Variants in MANSC1 observed in about 807,000 individuals in gnomAD.
The protein encoded by MANSC1 is MANSC domain containing 1.
A neutral mutation model predicts 14.1 loss-of-function variants in MANSC1; 13 were observed. The observed-to-expected ratio is 0.92, with a 90% CI of 0.60 to 1.46. The LOEUF (loss-of-function observed/expected upper bound fraction) is 1.46. Among genes scored for constraint, MANSC1 ranks in the 40% most tolerant of loss-of-function variants. The pLI, the probability that MANSC1 is intolerant of heterozygous loss-of-function variation, is 0.00. For synonymous variants in MANSC1, 227 were observed against 200.7 expected (o/e 1.13, Z -1.11); for missense variants, 486 against 511.4 (o/e 0.95, Z 0.48).
chr12:12,340,045 C>T (rs911571999), intron 2 of MANSC1, among the ~76,000 whole-genome samples: 1 of 152,124 alleles, frequency 6.6e-6, no homozygotes, highest in Non-Finnish European at 1.5e-5. Context: ...CTCTTGGGCT[C>T]AAGCAATCCA....
At chr12:12,333,279 T>C (rs891005122) in intron 3 of MANSC1, among the ~76,000 whole-genome samples, 1 of 152,096 alleles carries the variant, frequency 6.6e-6, no homozygotes, top group Admixed American at 6.6e-5. Context: ...ACTCCTGGAA[T>C]CAAGCAATCC....
At chr12:12,330,981 AG>A in intron 3 of MANSC1, 23 bp from the exon 4 acceptor site, 1 of 1,446,662 alleles carries the variant, frequency 6.9e-7, no homozygotes, top group Non-Finnish European at 9.5e-7. Context: ...GGAAAATAAA[AG>A]GAAGGCTTAT....
Position 12,335,576 on chromosome 12 carries a change from T to C in MANSC1, c.364+2844A>G, listed in dbSNP as rs1337679248. Among the ~76,000 whole-genome samples the C allele has an allele frequency of 2.7e-5, 4 of 150,448 alleles. No homozygotes were observed. The East Asian group carries it at 6.2e-4, about 23-fold the overall frequency. On this transcript the variant is annotated intron_variant, in intron 3 of 3. Coordinates refer to ENST00000535902, the MANE Select transcript of MANSC1 (RefSeq NM_018050.4). ...GGCTGGTCTCGAATTCCTGACGTTG[T>C]GATCTGCCCGCCTCAGCCTCCCAAA...
chr12:12,333,878 T>G (rs1027950230), intron 3 of MANSC1, among the ~76,000 whole-genome samples: 2 of 152,184 alleles, frequency 1.3e-5, no homozygotes, highest in African/African-American at 4.8e-5. Context: ...AATACCAAAC[T>G]GCAATGGCTT....
In MANSC1 at chr12:12,333,044, A is replaced by AATATATATATATAT. The variant is rs147386841; in HGVS notation, c.365-2100_365-2087dup. 3.7e-3 allele frequency among the ~76,000 whole-genome samples: 555 copies of AATATATATATATAT among 148,428 alleles called. 4 individuals are homozygous for AATATATATATATAT. Among genetic ancestry groups the AATATATATATATAT allele is most frequent in the East Asian group, 6.1e-3 (31 of 5,048 alleles). On this transcript the variant is annotated intron_variant, in intron 3 of 3. Transcript: ENST00000535902. ...TTGGGTCAAATGAAATATATTTGAA[A>AATATATATATATAT]ATATATATATATATATTTTTGAGAC... is the stretch of plus-strand genomic sequence containing the variant.
intron 1 of MANSC1, among the ~76,000 whole-genome samples, chr12:12,345,909 A>G (rs1238720398): frequency 1.3e-5 from 2 of 152,252 alleles, no homozygotes; most frequent in Non-Finnish European, 2.9e-5. Context: ...GGTGAAAGAA[A>G]TCAAAGAGGA....
intron 3 of MANSC1, among the ~76,000 whole-genome samples, chr12:12,333,539 C>A (rs973750329): frequency 5.9e-5 from 9 of 152,134 alleles, no homozygotes; most frequent in Non-Finnish European, 1.2e-4. Flanking sequence ...CCTCTGTTGG[C>A]AGAGGTCCTA....
intron 2 of MANSC1, among the ~76,000 whole-genome samples, chr12:12,341,193 C>G (rs1331126306): frequency 1.3e-5 from 2 of 152,122 alleles, no homozygotes; most frequent in African/African-American, 4.8e-5. Flanking sequence ...ATGATCCTAC[C>G]CCCTCAGATT....
At chr12:12,338,877 C>CCA in intron 2 of MANSC1, 1 of 264,222 alleles carries the variant, frequency 3.8e-6, no homozygotes, top group Non-Finnish European at 6.9e-6. Context: ...GCATCCACAA[C>CCA]CACACACACA....
At chr12:12,334,112 G>C (rs750004374) in intron 3 of MANSC1, among the ~76,000 whole-genome samples, 5 of 151,968 alleles carry the variant, frequency 3.3e-5, no homozygotes, top group Admixed American at 1.3e-4. Flanking sequence ...AAATTAGCCT[G>C]GCATGGTGGT....
At position 12,330,780 on chromosome 12, in the gene MANSC1, G is replaced by A; in HGVS notation, c.543C>T (p.His181=). The A allele has an allele frequency of 6.2e-7, 1 of 1,614,114 alleles. No individual in the cohort carries two copies. The highest frequency in any genetic ancestry group is 8.5e-7 in the Non-Finnish European group (1 of 1,180,020). The part of the protein sequence containing the change: ...TLSQKFGSSD[H]LEKLFKMDEA... ...CATCCATCTTAAATAGTTTCTCCAA[G>A]TGATCTGAGGATCCAAACTTCTGAG... is the stretch of plus-strand genomic sequence containing the variant. The change falls in exon 4 of 4, where the codon CAC becomes CAT. Residue 181 remains histidine (H), a synonymous_variant. Coordinates refer to ENST00000535902, the MANE Select transcript of MANSC1 (RefSeq NM_018050.4).
Position 12,338,714 on chromosome 12 carries a change from T to C in MANSC1, c.224-154A>G, listed in dbSNP as rs1862892287. 5 of 720,356 alleles carry C rather than the reference T, an allele frequency of 6.9e-6. No individual in the cohort carries two copies. In the African/African-American group the frequency reaches 9.2e-5, roughly 13 times the overall value. The allele number at this position is 720,356 out of a possible 1,614,324, so 44.6% of individuals were successfully genotyped here. A position where few individuals can be genotyped will look rare whatever the true frequency, so the allele number is the denominator to read the frequency against. On this transcript the variant is annotated intron_variant, in intron 2 of 3. Coordinates refer to ENST00000535902, the MANE Select transcript of MANSC1 (RefSeq NM_018050.4). ...TGACCGCTGAATCATTTCCTTTTCCTTAGCTTAGTTGCTTAAGGCAATTTT... is the reference window on the plus strand; with the variant it reads ...TGACCGCTGAATCATTTCCTTTTCCCTAGCTTAGTTGCTTAAGGCAATTTT...
chr12:12,346,145 C>T (rs1398179957), intron 1 of MANSC1, among the ~76,000 whole-genome samples: 2 of 151,918 alleles, frequency 1.3e-5, no homozygotes, highest in African/African-American at 4.8e-5. Context: ...TGGTGGCGGC[C>T]GCCTGTAGTC....
intron 2 of MANSC1, among the ~76,000 whole-genome samples, chr12:12,340,679 T>C (rs1438799273): frequency 6.6e-6 from 1 of 152,208 alleles, no homozygotes; most frequent in Non-Finnish European, 1.5e-5. Context: ...CCTCTGCTTG[T>C]AGCAAAGCAG....
In MANSC1 at chr12:12,328,025, T is replaced by C. The variant is rs1862728452; in HGVS notation, c.*2002A>G. 1 of 152,212 alleles carries C rather than the reference T, an allele frequency of 6.6e-6. No individual in the cohort carries two copies. Among genetic ancestry groups the C allele is most frequent in the African/African-American group, 2.4e-5 (1 of 41,458 alleles). 9.4% of individuals were successfully genotyped at this position (152,212 alleles called of 1,614,324 possible). On this transcript the variant is annotated 3_prime_UTR_variant, in exon 4 of 4. Coordinates refer to ENST00000535902, the MANE Select transcript of MANSC1 (RefSeq NM_018050.4). ...GTGCTCACTGTATTAAGTTCGCATCTGAATTCCATTTTTATCTTTAAAAAC... is the reference window on the plus strand; with the variant it reads ...GTGCTCACTGTATTAAGTTCGCATCCGAATTCCATTTTTATCTTTAAAAAC...
intron 1 of MANSC1, among the ~76,000 whole-genome samples, chr12:12,349,371 T>C (rs1863047851): frequency 6.6e-6 from 1 of 152,198 alleles, no homozygotes; most frequent in South Asian, 2.1e-4. Flanking sequence ...AAACCTGAAC[T>C]ATGTAAGGAG....
intron 3 of MANSC1, among the ~76,000 whole-genome samples, chr12:12,332,117 A>G (rs774959816): frequency 2.8e-4 from 42 of 152,220 alleles, no homozygotes; most frequent in Non-Finnish European, 5.3e-4. Flanking sequence ...AGTGCAGGGA[A>G]TGACCAGGTG....
chr12:12,341,670 G>A (rs184195025), intron 2 of MANSC1, among the ~76,000 whole-genome samples: 159 of 152,304 alleles, frequency 1.0e-3, no homozygotes, highest in African/African-American at 3.7e-3. Flanking sequence ...TTGTCACCCA[G>A]GCTGGAGTGC....
At position 12,328,840 on chromosome 12, in the gene MANSC1, T is replaced by C. The variant is rs1862740679; in HGVS notation, c.*1187A>G. Reference sequence around the variant, plus strand: ...CGTCTTTACTAAAAATATAAAAAATTAGCTGGGCGTGTTGGCGGGCGCCTG... The same window carrying C: ...CGTCTTTACTAAAAATATAAAAAATCAGCTGGGCGTGTTGGCGGGCGCCTG... On this transcript the variant is annotated 3_prime_UTR_variant, in exon 4 of 4. Transcript: ENST00000535902. 6.6e-6 allele frequency: 1 copy of C among 151,750 alleles called. No homozygotes were observed. The highest frequency in any genetic ancestry group is 1.5e-5 in the Non-Finnish European group (1 of 67,968). 9.4% of individuals were successfully genotyped at this position (151,750 alleles called of 1,614,324 possible).
Sources: gnomAD v4.1 joint callset for allele counts (sites outside exome capture counted in the v4.1 genomes callset) on GRCh38, gnomAD v4.1.1 for gene constraint, MANE v1.5 for transcripts, NCBI Gene and HGNC (gene_info 2026-07-23, HGNC 2026-07-21) for gene names.